The following SORCS2 variants were observed in gnomAD, a reference collection of about 807,000 sequenced individuals.
SORCS2 encodes the protein sortilin related VPS10 domain containing receptor 2.
In SORCS2, 100 loss-of-function variants were observed where a neutral mutation model predicts 141.6. The ratio of observed to expected loss-of-function variants is 0.71; its 90% CI spans 0.60 to 0.83. The LOEUF (loss-of-function observed/expected upper bound fraction) is 0.83, where lower values mean the gene tolerates loss of function less well. Ranked by LOEUF, SORCS2 falls within the 40% of genes least tolerant of loss-of-function variation. The pLI is 0.00. For missense variants in SORCS2, 1,646 were observed against 1,560.2 expected (o/e 1.05, Z -0.93); for synonymous variants, 789 against 676.9 (o/e 1.17, Z -2.57).
intron 1 of SORCS2, among the ~76,000 whole-genome samples, chr4:7,336,674 G>A (rs542990771): frequency 1.6e-5 from 2 of 123,788 alleles, no homozygotes; most frequent in Non-Finnish European, 3.5e-5. Context: ...TTGTCTCCAA[G>A]GATGGGGTTT....
intron 2 of SORCS2, among the ~76,000 whole-genome samples, chr4:7,407,905 G>A (rs867127521): frequency 2.0e-5 from 3 of 151,768 alleles, no homozygotes; most frequent in Non-Finnish European, 2.9e-5. Context: ...TTATTTTAAA[G>A]TGATAATAAT....
At chr4:7,357,792 C>T (rs937514132) in intron 1 of SORCS2, among the ~76,000 whole-genome samples, 3 of 152,178 alleles carry the variant, frequency 2.0e-5, no homozygotes, top group Admixed American at 2.0e-4. Flanking sequence ...TTTCTCATTT[C>T]AATCCCTGAG....
At chr4:7,339,595 C>T (rs148218884) in intron 1 of SORCS2, among the ~76,000 whole-genome samples, 88 of 152,300 alleles carry the variant, frequency 5.8e-4, no homozygotes, top group African/African-American at 1.8e-3. Flanking sequence ...TCCCGGATAG[C>T]GTCTCTGTGG....
intron 3 of SORCS2, among the ~76,000 whole-genome samples, chr4:7,543,406 CCCAT>C (rs1391457745): frequency 1.2e-5 from 1 of 81,726 alleles, no homozygotes; most frequent in Admixed American, 1.5e-4. Context: ...CATCCATCCA[CCCAT>C]CCATCTATCC....
intron 12 of SORCS2, among the ~76,000 whole-genome samples, chr4:7,699,688 A>G (rs748184336): frequency 4.1e-4 from 63 of 152,174 alleles, no homozygotes; most frequent in Non-Finnish European, 9.0e-4. Flanking sequence ...CGGGCATGGC[A>G]GGTGGGCTTA....
At chr4:7,499,156 A>ATG (rs10641840) in intron 2 of SORCS2, among the ~76,000 whole-genome samples, 110,176 of 151,882 alleles carry the variant, frequency 0.73, 40,323 homozygotes, top group East Asian at 0.99. Context: ...TAGCACGAGT[A>ATG]TGTGCATGTG....
rs112942963 is a variant in SORCS2, at chr4:7,325,070, C to G, written c.481-71218C>G. On this transcript the variant is annotated intron_variant, in intron 1 of 26. Transcript: ENST00000507866. ...TTGGGCTGCAGACGAGGCTGTCATC[C>G]TGCTGCTGAGTGCACGCACCAAGCT... Among the ~76,000 whole-genome samples, 976 of 152,334 alleles carry G rather than the reference C, an allele frequency of 6.4e-3. 6 individuals carry two copies. The highest frequency in any genetic ancestry group is 0.022 in the African/African-American group (929 of 41,576).
At chr4:7,255,455 T>C (rs945973135) in intron 1 of SORCS2, among the ~76,000 whole-genome samples, 7 of 151,908 alleles carry the variant, frequency 4.6e-5, no homozygotes, top group African/African-American at 1.7e-4. Context: ...GAGGCAGGAA[T>C]GGGAGATGGC....
chr4:7,291,252 G>T (rs1035681756), intron 1 of SORCS2, among the ~76,000 whole-genome samples: 1 of 152,172 alleles, frequency 6.6e-6, no homozygotes, highest in Non-Finnish European at 1.5e-5. Flanking sequence ...GAACAGCTGT[G>T]GGGGGCCAGG....
At chr4:7,236,080 C>G (rs1712249438) in intron 1 of SORCS2, among the ~76,000 whole-genome samples, 3 of 152,184 alleles carry the variant, frequency 2.0e-5, no homozygotes, top group Non-Finnish European at 4.4e-5. Context: ...TAAACACGTG[C>G]CTGTTGGCCT....
chr4:7,595,834 G>C (rs1717238886), intron 3 of SORCS2, among the ~76,000 whole-genome samples: 1 of 152,120 alleles, frequency 6.6e-6, no homozygotes, highest in Non-Finnish European at 1.5e-5. Context: ...CACTTTCTAG[G>C]CACCAGGCAC....
intron 2 of SORCS2, among the ~76,000 whole-genome samples, chr4:7,495,493 C>T (rs564839612): frequency 6.6e-6 from 1 of 152,344 alleles, no homozygotes; most frequent in East Asian, 1.9e-4. Context: ...GCTCCTTCCA[C>T]AGAGCATTGT....
intron 2 of SORCS2, among the ~76,000 whole-genome samples, chr4:7,470,889 C>G (rs1376435544): frequency 6.6e-6 from 1 of 152,198 alleles, no homozygotes; most frequent in Admixed American, 6.5e-5. Flanking sequence ...CTGCAAACAT[C>G]TCACGCTTGC....
intron 3 of SORCS2, among the ~76,000 whole-genome samples, chr4:7,569,171 G>C (rs922501579): frequency 6.6e-6 from 1 of 152,162 alleles, no homozygotes; most frequent in Admixed American, 6.5e-5. Context: ...AAGTGATTAC[G>C]GCAGGAAGTG....
intron 11 of SORCS2, among the ~76,000 whole-genome samples, chr4:7,692,781 CAGGG>C (rs1724340697): frequency 6.6e-6 from 1 of 152,208 alleles, no homozygotes; most frequent in African/African-American, 2.4e-5. Flanking sequence ...AGCCGACACA[CAGGG>C]AGGACACTCT....
At chr4:7,631,209 C>T (rs1267086946) in intron 3 of SORCS2, among the ~76,000 whole-genome samples, 1 of 151,546 alleles carries the variant, frequency 6.6e-6, no homozygotes, top group Non-Finnish European at 1.5e-5. Context: ...GGCAGCGTCC[C>T]GCGGGCCGGG....
intron 1 of SORCS2, among the ~76,000 whole-genome samples, chr4:7,243,385 A>T (rs1190365354): frequency 1.3e-5 from 2 of 152,070 alleles, no homozygotes; most frequent in African/African-American, 2.4e-5. Context: ...GGTCTCCAAG[A>T]CCACCCCTAG....
At chr4:7,585,838 C>A (rs1390102226) in intron 3 of SORCS2, among the ~76,000 whole-genome samples, 1 of 152,210 alleles carries the variant, frequency 6.6e-6, no homozygotes, top group African/African-American at 2.4e-5. Context: ...TGTTGAAGGA[C>A]AGCTTGACTG....
At chr4:7,685,980 A>T (rs1723849227) in intron 10 of SORCS2, among the ~76,000 whole-genome samples, 1 of 152,216 alleles carries the variant, frequency 6.6e-6, no homozygotes, top group Non-Finnish European at 1.5e-5. Flanking sequence ...CCAGAAAAAC[A>T]ATAACTGGGC....
Sources: allele counts gnomAD v4.1 joint callset (sites outside exome capture counted in the v4.1 genomes callset), GRCh38; gene constraint gnomAD v4.1.1; transcripts MANE v1.5; gene names NCBI Gene and HGNC (gene_info 2026-07-23, HGNC 2026-07-21).